The following UTRN variants were observed in gnomAD, a reference collection of about 807,000 sequenced individuals.
UTRN encodes dystrophin-related protein 1.
Under a neutral mutation model 463.9 loss-of-function variants are expected in UTRN, and 283 were observed. The ratio of observed to expected loss-of-function variants is 0.61; its 90% CI spans 0.55 to 0.67. The LOEUF (loss-of-function observed/expected upper bound fraction) is 0.67. Ranked by LOEUF, UTRN falls within the 30% of genes least tolerant of loss-of-function variation. UTRN has a pLI of 0.00. For missense variants in UTRN, 3,922 were observed against 4,084.3 expected (o/e 0.96, Z 1.08); for synonymous variants, 1,442 against 1,431.5 (o/e 1.01, Z -0.17).
At chr6:144,827,220 G>A (rs1780260503) in intron 66 of UTRN, 128 bp from the exon 67 acceptor site, 12 of 1,053,348 alleles carry the variant, frequency 1.1e-5, no homozygotes, top group Non-Finnish European at 9.8e-6. Flanking sequence ...CCCCATGGTG[G>A]CTCTCAGGGC....
chr6:144,687,172 T>C, intron 52 of UTRN, among the ~76,000 whole-genome samples: 1 of 152,166 alleles, frequency 6.6e-6, no homozygotes, highest in Admixed American at 6.6e-5. Context: ...TTGGATTTGG[T>C]TTACTAGTAT....
intron 2 of UTRN, among the ~76,000 whole-genome samples, chr6:144,335,650 G>A (rs1285998040): frequency 6.6e-6 from 1 of 152,148 alleles, no homozygotes; most frequent in African/African-American, 2.4e-5. Flanking sequence ...CCTATCAGCT[G>A]CCTGGCTCTC....
chr6:144,385,221 A>C (rs1323861759), intron 2 of UTRN, among the ~76,000 whole-genome samples: 1 of 152,224 alleles, frequency 6.6e-6, no homozygotes, highest in Non-Finnish European at 1.5e-5. Flanking sequence ...GACAAGAAAG[A>C]AAACAGAGAA....
chr6:144,639,706 C>T (rs994344999), intron 51 of UTRN, among the ~76,000 whole-genome samples: 9 of 151,016 alleles, frequency 6.0e-5, no homozygotes, highest in African/African-American at 2.2e-4. Context: ...TATCTTATTG[C>T]TTTTATTTTC....
chr6:144,390,681 C>A (rs753544999), intron 2 of UTRN, among the ~76,000 whole-genome samples: 1 of 152,214 alleles, frequency 6.6e-6, no homozygotes, highest in Non-Finnish European at 1.5e-5. Context: ...ACCATTTTTA[C>A]GTGCCCCAAA....
chr6:144,475,277 A>T (rs1342778310), intron 25 of UTRN, among the ~76,000 whole-genome samples: 1 of 152,234 alleles, frequency 6.6e-6, no homozygotes, highest in African/African-American at 2.4e-5. Flanking sequence ...ATGTTTGAAT[A>T]AAGAACTGAG....
chr6:144,291,677 T>C, intron 1 of UTRN, 60 bp from the exon 2 acceptor site: 1 of 525,748 alleles, frequency 1.9e-6, no homozygotes, highest in South Asian at 4.0e-5. Context: ...TTACTACGAA[T>C]AACTATATAA....
At chr6:144,493,213 A>C in intron 32 of UTRN, 88 bp from the exon 33 acceptor site, 1 of 1,331,598 alleles carries the variant, frequency 7.5e-7, no homozygotes, top group Non-Finnish European at 1.0e-6. Flanking sequence ...TTGGCTGTCA[A>C]TCTGTGTAAG....
At chr6:144,430,949 A>G (rs1202245372) in intron 9 of UTRN, among the ~76,000 whole-genome samples, 1 of 152,194 alleles carries the variant, frequency 6.6e-6, no homozygotes, top group Non-Finnish European at 1.5e-5. Flanking sequence ...ATTTACTGAA[A>G]AGAAAGGATT....
Position 144,461,375 on chromosome 6 carries a change from G to C in UTRN, c.2853+33G>C, listed in dbSNP as rs374892273. 1.7e-5 allele frequency: 24 copies of C among 1,447,848 alleles called. No homozygotes were observed. The Admixed American group carries it at 5.7e-4, about 34-fold the overall frequency. 89.7% of individuals were successfully genotyped at this position (1,447,848 alleles called of 1,614,324 possible). A position where few individuals can be genotyped will look rare whatever the true frequency, so the allele number is the denominator to read the frequency against. ...ATATCTTCCATGTTAGAACTCTAGCGCTTCTTCTAATATCTCCTCTTACAT... is the reference window on the plus strand; with the variant it reads ...ATATCTTCCATGTTAGAACTCTAGCCCTTCTTCTAATATCTCCTCTTACAT... On this transcript the variant is annotated intron_variant, in intron 22 of 74. Transcript: ENST00000367545.
chr6:144,398,080 A>G, intron 2 of UTRN: 1 of 246,882 alleles, frequency 4.1e-6, no homozygotes. Context: ...CGTGCTCTGG[A>G]AAGGAATAAT....
chr6:144,456,515 T>G (rs1788830697), intron 19 of UTRN, among the ~76,000 whole-genome samples: 4 of 152,018 alleles, frequency 2.6e-5, no homozygotes, highest in Non-Finnish European at 4.4e-5. Context: ...TAGCTGGGCA[T>G]GGTGGCACAT....
intron 65 of UTRN, among the ~76,000 whole-genome samples, chr6:144,811,541 TATC>T (rs1348788943): frequency 4.6e-5 from 7 of 152,154 alleles, no homozygotes; most frequent in Non-Finnish European, 7.4e-5. Context: ...TTGGATGACT[TATC>T]ATCCCACTGA....
At chr6:144,599,458 A>C (rs1804005750) in intron 51 of UTRN, among the ~76,000 whole-genome samples, 1 of 152,166 alleles carries the variant, frequency 6.6e-6, no homozygotes, top group Non-Finnish European at 1.5e-5. Flanking sequence ...AACTATGCTG[A>C]AACTTGTTTT....
chr6:144,389,195 T>C (rs569697524), intron 2 of UTRN, among the ~76,000 whole-genome samples: 2 of 152,256 alleles, frequency 1.3e-5, no homozygotes, highest in African/African-American at 4.8e-5. Context: ...AGGTCATAGG[T>C]TAATAAGAGA....
intron 66 of UTRN, among the ~76,000 whole-genome samples, chr6:144,826,952 C>G (rs1287618922): frequency 6.6e-6 from 1 of 152,132 alleles, no homozygotes; most frequent in African/African-American, 2.4e-5. Flanking sequence ...CTTCATCTTT[C>G]TAACCAAGTT....
Position 144,700,353 on chromosome 6 carries a change from C to CA in UTRN, c.7809+110_7809+111insA, listed in dbSNP as rs140602113. 5 of 1,245,290 alleles carry CA rather than the reference C, an allele frequency of 4.0e-6. No homozygotes were observed. The African/African-American group carries it at 4.6e-5, about 12-fold the overall frequency. 77.1% of individuals were successfully genotyped at this position (1,245,290 alleles called of 1,614,324 possible). ...GTTGAACCAATTATCACAGGATTCC[C>CA]CCCCCCACCACCGTCTGCTTTTAGT... On this transcript the variant is annotated intron_variant, in intron 53 of 74. Coordinates refer to ENST00000367545, the MANE Select transcript of UTRN (RefSeq NM_007124.3).
chr6:144,705,184 G>T (rs939784547), intron 53 of UTRN, among the ~76,000 whole-genome samples: 1 of 152,094 alleles, frequency 6.6e-6, no homozygotes, highest in Non-Finnish European at 1.5e-5. Context: ...CCTCATAGGT[G>T]TGATAATTTG....
chr6:144,622,261 C>T (rs1239227360), intron 51 of UTRN, among the ~76,000 whole-genome samples: 1 of 137,186 alleles, frequency 7.3e-6, no homozygotes, highest in Non-Finnish European at 1.5e-5. Flanking sequence ...TGGCTCACTG[C>T]CACCTCCGCC....
Sources: allele counts gnomAD v4.1 joint callset (sites outside exome capture counted in the v4.1 genomes callset), GRCh38; gene constraint gnomAD v4.1.1; transcripts MANE v1.5; gene names NCBI Gene and HGNC (gene_info 2026-07-23, HGNC 2026-07-21).